Variants in EXPH5 observed in about 807,000 individuals in gnomAD.
The protein encoded by EXPH5 is exophilin 5, also known as exophilin-5.
A neutral mutation model predicts 41.1 loss-of-function variants in EXPH5; 42 were observed. The observed-to-expected ratio is 1.02, with a 90% CI of 0.80 to 1.32. The LOEUF (loss-of-function observed/expected upper bound fraction) is 1.32. Among genes scored for constraint, EXPH5 ranks in the 40% most tolerant of loss-of-function variants. The probability of loss-of-function intolerance (pLI) is 0.00; values close to 1 mark genes in which losing one functional copy is unlikely to be tolerated. For synonymous variants in EXPH5, 798 were observed against 833.5 expected, an observed-to-expected ratio of 0.96 and a Z score of 0.73; for missense variants, 2,298 against 2,314.5, an observed-to-expected ratio of 0.99 and a Z score of 0.15.
intron 4 of EXPH5, among the ~76,000 whole-genome samples, chr11:108,522,823 C>A (rs2093773602): frequency 1.3e-5 from 2 of 152,188 alleles, no homozygotes; most frequent in Admixed American, 6.5e-5. Context: ...CCAGCCCTGG[C>A]CTAGAGGATA....
In EXPH5 at chr11:108,593,613, A is replaced by G; in HGVS notation, c.-77T>C. On this transcript the variant is annotated 5_prime_UTR_variant, in exon 1 of 6. Transcript: ENST00000265843. ...GAAGGCATTTTTCAACCTGTACAAG[A>G]CCAGTTTCACGAACTTGATCCCACA... The G allele has an allele frequency of 6.2e-7, 1 of 1,609,956 alleles. No individual in the cohort carries two copies. Among genetic ancestry groups the G allele is most frequent in the African/African-American group, 1.3e-5 (1 of 74,922 alleles).
In EXPH5 at chr11:108,510,892, C is replaced by A. The variant is rs200270555; in HGVS notation, c.4615G>T (p.Glu1539Ter). The A allele has an allele frequency of 8.4e-5, 136 of 1,614,102 alleles. No individual in the cohort carries two copies. The highest frequency in any genetic ancestry group is 1.1e-4 in the Non-Finnish European group (133 of 1,180,050). The change falls in exon 6 of 6, where the codon GAA (glutamate) becomes TAA (stop). Residue 1539 changes from glutamate to a stop codon, truncating the protein, a stop_gained. Transcript: ENST00000265843. LOFTEE classifies it low-confidence loss of function (END_TRUNC). ...GCCTCCTGACTTCTTTGAGGTAATT[C>A]TCTTGGTTCAGACTGCAGACTCTCT... is the stretch of plus-strand genomic sequence containing the variant. ...NLESLQSEPR[E>*]LPQRSQEANM...
intron 1 of EXPH5, among the ~76,000 whole-genome samples, chr11:108,580,004 G>A (rs1041441415): frequency 6.6e-6 from 1 of 152,070 alleles, no homozygotes; most frequent in African/African-American, 2.4e-5. Flanking sequence ...AATATTTTAT[G>A]AATAAGACCT....
intron 1 of EXPH5, among the ~76,000 whole-genome samples, chr11:108,544,804 G>A (rs193014181): frequency 1.0e-3 from 159 of 152,288 alleles, no homozygotes; most frequent in Admixed American, 3.1e-3. Context: ...TTATAGCTAT[G>A]TAAAAATGAT....
rs766831258 is a variant in EXPH5 at position 108,512,587 on chromosome 11, C to T, written c.2920G>A (p.Gly974Arg). ...HSPFRNERGK[G>R]KIRHHISCIE... ...CAGGATATATGATGCCTTATTTTTC[C>T]TTTTCCTCTTTCATTCCTAAAAGGA... is the stretch of plus-strand genomic sequence containing the variant. Residue 974 changes from glycine to arginine, a missense_variant, in exon 6 of 6, where the codon GGA becomes AGA. Coordinates refer to ENST00000265843, the MANE Select transcript of EXPH5 (RefSeq NM_015065.3). The T allele has an allele frequency of 2.5e-6, 4 of 1,611,240 alleles. No homozygotes were observed. The Admixed American group carries it at 6.7e-5, about 27-fold the overall frequency.
upstream of EXPH5, among the ~76,000 whole-genome samples, chr11:108,595,346 G>A (rs2094137297): frequency 6.6e-6 from 1 of 152,258 alleles, no homozygotes; most frequent in African/African-American, 2.4e-5. Context: ...TGGATGGAGA[G>A]AGGATACGGT....
intron 1 of EXPH5, among the ~76,000 whole-genome samples, chr11:108,571,788 C>CGGT (rs372040949): frequency 4.3e-4 from 65 of 152,220 alleles, no homozygotes; most frequent in African/African-American, 1.5e-3. Context: ...CAGGCTGGGG[C>CGGT]GGTGGCTCAC....
Position 108,514,390 on chromosome 11 carries a change from A to G in EXPH5, c.1117T>C (p.Trp373Arg). 8 of 1,614,134 alleles carry G rather than the reference A, an allele frequency of 5.0e-6. No individual in the cohort carries two copies. The highest frequency in any genetic ancestry group is 6.8e-6 in the Non-Finnish European group (8 of 1,180,002). The change falls in exon 6 of 6, where the codon TGG becomes CGG. Residue 373 changes from tryptophan (W) to arginine (R), a missense_variant. By Grantham distance (101) the Trp-to-Arg change is moderately radical. Transcript: ENST00000265843. ...PKRTPLSSII[W>R]NRSDSSRDRE... ...TCTCTAGAGGAATCTGATCTGTTCC[A>G]TATGATGGATGATAAAGGAGTTCTC...
intron 5 of EXPH5, among the ~76,000 whole-genome samples, chr11:108,515,938 G>A (rs1342376321): frequency 1.3e-5 from 2 of 152,040 alleles, no homozygotes; most frequent in East Asian, 1.9e-4. Context: ...CGGGCGTGGT[G>A]GCGGGCGCCT....
rs188719935 is a variant in EXPH5, at chr11:108,563,807, C to T, written c.120-21995G>A. ...AAAAGGATCAAATCCTCTTCACTGT[C>T]CTAGGCGTCGCTCTGCAGCAAGCGG... On this transcript the variant is annotated intron_variant, in intron 1 of 5. Transcript: ENST00000265843. 4.6e-5 allele frequency among the ~76,000 whole-genome samples: 7 copies of T among 152,288 alleles called. No individual in the cohort carries two copies. In the East Asian group the frequency reaches 1.4e-3, roughly 29 times the overall value.
upstream of EXPH5, among the ~76,000 whole-genome samples, chr11:108,596,503 G>A (rs2136136031): frequency 6.6e-6 from 1 of 152,306 alleles, no homozygotes; most frequent in East Asian, 1.9e-4. Context: ...GGTTTGTCAA[G>A]AAATCAGGTG....
intron 5 of EXPH5, 114 bp downstream of exon 5, chr11:108,518,121 G>A (rs113839941): frequency 6.5e-6 from 6 of 920,002 alleles, no homozygotes; most frequent in African/African-American, 5.0e-5. Flanking sequence ...ACATGAGGAT[G>A]TAAAAAATAA....
chr11:108,545,928 G>A (rs2093936306), intron 1 of EXPH5, among the ~76,000 whole-genome samples: 1 of 151,642 alleles, frequency 6.6e-6, no homozygotes, highest in African/African-American at 2.4e-5. Context: ...GTAAATAGCT[G>A]CTAAGAGAGC....
At chr11:108,590,153 T>C (rs1458093234) in intron 1 of EXPH5, among the ~76,000 whole-genome samples, 3 of 152,210 alleles carry the variant, frequency 2.0e-5, no homozygotes, top group Non-Finnish European at 1.5e-5. Flanking sequence ...AAAAAGCTTG[T>C]AATCAACTTA....
Position 108,577,307 on chromosome 11 carries a change from A to T in EXPH5, c.119+16111T>A, listed in dbSNP as rs138412437. On this transcript the variant is annotated intron_variant, in intron 1 of 5. Transcript: ENST00000265843. Reference sequence around the variant, plus strand: ...TGGTAGTTCTATTTGTAGTTTTTTGAGGAACCTCCAAACTGTTATCCATAG... The same window carrying T: ...TGGTAGTTCTATTTGTAGTTTTTTGTGGAACCTCCAAACTGTTATCCATAG... Among the ~76,000 whole-genome samples, 1,336 of 152,290 alleles carry T rather than the reference A, an allele frequency of 8.8e-3. 25 individuals carry two copies. Among genetic ancestry groups the T allele is most frequent in the African/African-American group, 0.029 (1,220 of 41,568 alleles).
intron 1 of EXPH5, among the ~76,000 whole-genome samples, chr11:108,551,355 C>G (rs2093964037): frequency 6.6e-6 from 1 of 152,214 alleles, no homozygotes. Flanking sequence ...AGCAGTTATG[C>G]AAGTTTGAAA....
chr11:108,562,210 A>C (rs963886041), intron 1 of EXPH5, among the ~76,000 whole-genome samples: 3 of 152,002 alleles, frequency 2.0e-5, no homozygotes, highest in African/African-American at 7.2e-5. Flanking sequence ...TGGGACAGGA[A>C]ATTTCAAATG....
At chr11:108,586,254 T>A (rs1014033444) in intron 1 of EXPH5, among the ~76,000 whole-genome samples, 3 of 152,128 alleles carry the variant, frequency 2.0e-5, no homozygotes, top group Admixed American at 1.3e-4. Flanking sequence ...CTGGCCAGAA[T>A]GAATTATTTA....
At chr11:108,522,942 G>T (rs1358315881) in intron 4 of EXPH5, among the ~76,000 whole-genome samples, 1 of 151,856 alleles carries the variant, frequency 6.6e-6, no homozygotes, top group Non-Finnish European at 1.5e-5. Flanking sequence ...GAGTGCAGTG[G>T]TGCAATCACA....
Sources: gnomAD v4.1 joint callset for allele counts (sites outside exome capture counted in the v4.1 genomes callset) on GRCh38, gnomAD v4.1.1 for gene constraint, MANE v1.5 for transcripts, NCBI Gene and HGNC (gene_info 2026-07-23, HGNC 2026-07-21) for gene names.